Variants in GADL1 observed in about 807,000 individuals in gnomAD.
GADL1 encodes the protein GAD like acidic amino acid decarboxylase 1.
In GADL1, 71 loss-of-function variants were observed where a neutral mutation model predicts 69.5. The ratio of observed to expected loss-of-function variants is 1.02; its 90% CI spans 0.84 to 1.25. The LOEUF (loss-of-function observed/expected upper bound fraction) is 1.25, where lower values mean the gene tolerates loss of function less well. GADL1 is among the 50% of genes most tolerant of loss of function. The pLI is 0.00. For missense variants in GADL1, 737 were observed against 631.8 expected, an observed-to-expected ratio of 1.17 and a Z score of -1.79; for synonymous variants, 254 against 214.4, an observed-to-expected ratio of 1.18 and a Z score of -1.62.
chr3:30,879,315 C>A (rs1698614181), intron 1 of GADL1, among the ~76,000 whole-genome samples: 1 of 151,848 alleles, frequency 6.6e-6, no homozygotes, highest in South Asian at 2.1e-4. Flanking sequence ...AAATGCATCC[C>A]ATAGCTTTTG....
chr3:30,768,668 C>G (rs1474755255), intron 14 of GADL1, among the ~76,000 whole-genome samples: 2 of 151,938 alleles, frequency 1.3e-5, no homozygotes, highest in African/African-American at 4.8e-5. Context: ...GAAAAGTTTG[C>G]TTTGGAGAAG....
chr3:30,809,201 T>C (rs932490695), intron 11 of GADL1, among the ~76,000 whole-genome samples: 4 of 152,378 alleles, frequency 2.6e-5, no homozygotes, highest in African/African-American at 4.8e-5. Context: ...TTTTTTCCTA[T>C]GGCATGTCTT....
At chr3:30,813,889 A>AT (rs1697408144) in intron 11 of GADL1, among the ~76,000 whole-genome samples, 1 of 152,300 alleles carries the variant, frequency 6.6e-6, no homozygotes, top group East Asian at 1.9e-4. Context: ...GGACAATAGC[A>AT]TTTTTTCAAG....
chr3:30,840,098 G>C (rs1254548611), intron 8 of GADL1, among the ~76,000 whole-genome samples: 2 of 152,108 alleles, frequency 1.3e-5, no homozygotes, highest in African/African-American at 4.8e-5. Context: ...GCCTCTGAAA[G>C]TTTAGTGCCT....
intron 1 of GADL1, among the ~76,000 whole-genome samples, chr3:30,876,715 G>T (rs1043849186): frequency 2.0e-5 from 3 of 151,870 alleles, no homozygotes; most frequent in Non-Finnish European, 2.9e-5. Flanking sequence ...CAAGTGTGAA[G>T]ATCTAAAAAA....
At chr3:30,813,963 T>C (rs908413490) in intron 11 of GADL1, among the ~76,000 whole-genome samples, 3 of 152,238 alleles carry the variant, frequency 2.0e-5, no homozygotes, top group African/African-American at 4.8e-5. Context: ...TACTAATGGC[T>C]ATTTGTTCAG....
intron 14 of GADL1, among the ~76,000 whole-genome samples, chr3:30,767,342 G>T (rs1397025321): frequency 6.6e-6 from 1 of 152,136 alleles, no homozygotes; most frequent in African/African-American, 2.4e-5. Flanking sequence ...GATCCAGGAG[G>T]ATAGAGTATT....
At chr3:30,803,094 GAAT>G (rs1165158543) in intron 11 of GADL1, among the ~76,000 whole-genome samples, 2 of 152,272 alleles carry the variant, frequency 1.3e-5, no homozygotes, top group African/African-American at 4.8e-5. Flanking sequence ...CCTGTCTCTA[GAAT>G]AATAAGAAAA....
At chr3:30,828,699 G>GT (rs1479406646) in intron 11 of GADL1, among the ~76,000 whole-genome samples, 1 of 151,896 alleles carries the variant, frequency 6.6e-6, no homozygotes, top group African/African-American at 2.4e-5. Flanking sequence ...GTCATTAAGT[G>GT]TACAAATGTC....
chr3:30,844,587 T>TA (rs1008336809), intron 6 of GADL1, 121 bp from the exon 7 acceptor site: 25 of 709,336 alleles, frequency 3.5e-5, no homozygotes, highest in Non-Finnish European at 5.5e-5. Context: ...CATTATTGCA[T>TA]AAAAAAGTAA....
intron 4 of GADL1, 143 bp downstream of exon 4, chr3:30,854,556 G>A: frequency 3.5e-6 from 2 of 564,468 alleles, no homozygotes; most frequent in Non-Finnish European, 6.3e-6. Flanking sequence ...TTTGAATACT[G>A]ATAAGTATCA....
chr3:30,800,940 A>G lies in GADL1; in HGVS notation c.1199T>C (p.Leu400Pro). ...AFKFWMTWKA[L>P]GTLGLEERVN... The stretch of plus-strand genomic sequence containing the variant: ...TCTTTCTTCAAGGCCTAATGTACCC[A>G]GGGCCTTCCAGGTCATCCAGAACTT... The change falls in exon 12 of 15, where the codon CTG (leucine) becomes CCG (proline). Residue 400 changes from leucine (L) to proline (P), a missense_variant. Physicochemically the swap from Leu to Pro is moderately conservative, Grantham distance 98. Transcript: ENST00000282538. 1.2e-6 allele frequency: 2 copies of G among 1,613,648 alleles called. No homozygotes were observed. Among genetic ancestry groups the G allele is most frequent in the Non-Finnish European group, 1.7e-6 (2 of 1,179,894 alleles).
chr3:30,849,985 A>G lies in GADL1; in HGVS notation c.651+11T>C. 6.7e-7 allele frequency: 1 copy of G among 1,482,430 alleles called. No homozygotes were observed. The highest frequency in any genetic ancestry group is 9.4e-7 in the Non-Finnish European group (1 of 1,063,454). The allele number at this position is 1,482,430 out of a possible 1,614,324, so 91.8% of individuals were successfully genotyped here. ...AGAAAATCTATATTCAATACCAAAA[A>G]TAATTTTTACCTCTGCAGATGTGAA... is the stretch of plus-strand genomic sequence containing the variant. On this transcript the variant is annotated intron_variant, in intron 6 of 14. Coordinates refer to ENST00000282538, the MANE Select transcript of GADL1 (RefSeq NM_207359.3).
chr3:30,846,336 C>T (rs568979983), intron 6 of GADL1, among the ~76,000 whole-genome samples: 9 of 152,232 alleles, frequency 5.9e-5, no homozygotes, highest in African/African-American at 1.7e-4. Flanking sequence ...AAACTCTCAG[C>T]GGGTGTTCAT....
chr3:30,843,414 C>T (rs1698002749), intron 8 of GADL1, among the ~76,000 whole-genome samples: 1 of 152,118 alleles, frequency 6.6e-6, no homozygotes, highest in African/African-American at 2.4e-5. Context: ...CACCACCACG[C>T]CCGGCGAATA....
intron 11 of GADL1, among the ~76,000 whole-genome samples, chr3:30,815,274 G>C (rs566950308): frequency 4.6e-4 from 70 of 152,266 alleles, no homozygotes; most frequent in African/African-American, 1.7e-3. Flanking sequence ...ACAGCAAGTG[G>C]AAGTTACTAG....
chr3:30,884,313 A>C (rs1017164186), intron 1 of GADL1, among the ~76,000 whole-genome samples: 14 of 152,068 alleles, frequency 9.2e-5, no homozygotes, highest in African/African-American at 3.4e-4. Context: ...ACTTTGTGAT[A>C]TACTTTTCAA....
rs557876608 is a variant in GADL1 at position 30,751,807 on chromosome 3, G to A, written c.1393-23392C>T. Among the ~76,000 whole-genome samples the A allele has an allele frequency of 8.5e-5, 13 of 152,234 alleles. No individual in the cohort carries two copies. The South Asian group carries it at 2.7e-3, about 32-fold the overall frequency. On this transcript the variant is annotated intron_variant, in intron 14 of 14. Transcript: ENST00000282538. ...CATGGCTCATAGTTTTTAGAGGAAAGTCCCTTGGAAAGCTTTTTTTGTCTC... is the reference window on the plus strand; with the variant it reads ...CATGGCTCATAGTTTTTAGAGGAAAATCCCTTGGAAAGCTTTTTTTGTCTC...
At chr3:30,818,797 G>A (rs922296256) in intron 11 of GADL1, among the ~76,000 whole-genome samples, 3 of 152,124 alleles carry the variant, frequency 2.0e-5, no homozygotes, top group Admixed American at 1.3e-4. Context: ...TTTGGTCACT[G>A]CAGTTGTGTG....
Sources: gnomAD v4.1 joint callset for allele counts (sites outside exome capture counted in the v4.1 genomes callset) on GRCh38, gnomAD v4.1.1 for gene constraint, MANE v1.5 for transcripts, NCBI Gene and HGNC (gene_info 2026-07-23, HGNC 2026-07-21) for gene names.